SEMA3E: variants seen among roughly 807,000 people sequenced by gnomAD.
SEMA3E encodes semaphorin 3E.
A neutral mutation model predicts 93.6 loss-of-function variants in SEMA3E; 49 were observed. That is an observed-to-expected ratio of 0.52 (90% CI 0.42 to 0.66). SEMA3E has a LOEUF of 0.66. Among genes scored for constraint, SEMA3E ranks in the 30% least tolerant of loss-of-function variants. SEMA3E has a pLI of 0.00. For synonymous variants in SEMA3E, 363 were observed against 330.7 expected (o/e 1.10, Z -1.06); for missense variants, 906 against 964.8 (o/e 0.94, Z 0.81).
At chr7:83,427,650 A>G (rs771617604) in intron 4 of SEMA3E, among the ~76,000 whole-genome samples, 32 of 152,156 alleles carry the variant, frequency 2.1e-4, no homozygotes, top group Non-Finnish European at 3.8e-4. Flanking sequence ...TTGAGAGTTC[A>G]TTGTGGTCTT....
intron 1 of SEMA3E, among the ~76,000 whole-genome samples, chr7:83,638,965 G>A (rs1384169508): frequency 1.3e-5 from 2 of 150,956 alleles, no homozygotes; most frequent in African/African-American, 4.9e-5. Flanking sequence ...CAAAAAATTA[G>A]CCGGGCGTAG....
intron 1 of SEMA3E, among the ~76,000 whole-genome samples, chr7:83,529,478 G>A (rs1791238283): frequency 2.0e-5 from 3 of 152,136 alleles, no homozygotes; most frequent in Admixed American, 2.0e-4. Flanking sequence ...ATTGTAAGGA[G>A]ATTCAATTCC....
intron 1 of SEMA3E, among the ~76,000 whole-genome samples, chr7:83,549,123 T>C (rs963179212): frequency 6.6e-6 from 1 of 152,188 alleles, no homozygotes; most frequent in Non-Finnish European, 1.5e-5. Flanking sequence ...AAACTTTTGA[T>C]ACTGGAATTC....
At chr7:83,418,159 T>C (rs75187132) in intron 5 of SEMA3E, among the ~76,000 whole-genome samples, 1 of 152,160 alleles carries the variant, frequency 6.6e-6, no homozygotes, top group East Asian at 1.9e-4. Flanking sequence ...TAAACGACAA[T>C]TTGTTTTCTC....
At chr7:83,528,869 A>G (rs1403288382) in intron 1 of SEMA3E, among the ~76,000 whole-genome samples, 1 of 152,114 alleles carries the variant, frequency 6.6e-6, no homozygotes, top group Non-Finnish European at 1.5e-5. Context: ...ACCTTCAGAT[A>G]GTCTTTTAGA....
chr7:83,550,464 T>A (rs1263023509), intron 1 of SEMA3E, among the ~76,000 whole-genome samples: 5 of 152,114 alleles, frequency 3.3e-5, no homozygotes, highest in Admixed American at 2.0e-4. Context: ...AAATTAGGGT[T>A]GTTGCTCTTC....
At chr7:83,640,116 C>T (rs145497432) in intron 1 of SEMA3E, among the ~76,000 whole-genome samples, 4 of 151,780 alleles carry the variant, frequency 2.6e-5, no homozygotes, top group Non-Finnish European at 5.9e-5. Context: ...AGTCAGTGTC[C>T]TCAGCTGACC....
intron 1 of SEMA3E, among the ~76,000 whole-genome samples, chr7:83,528,560 T>G (rs924995360): frequency 1.3e-5 from 2 of 152,090 alleles, no homozygotes; most frequent in Non-Finnish European, 2.9e-5. Context: ...TACTATTGAT[T>G]TTAATATTAA....
intron 1 of SEMA3E, among the ~76,000 whole-genome samples, chr7:83,612,254 C>T (rs1460217299): frequency 2.0e-5 from 3 of 152,106 alleles, no homozygotes; most frequent in Non-Finnish European, 2.9e-5. Context: ...CCCTACCAGA[C>T]TATAAGTTTA....
chr7:83,380,868 T>C (rs1351567309), intron 16 of SEMA3E, among the ~76,000 whole-genome samples: 2 of 151,958 alleles, frequency 1.3e-5, no homozygotes, highest in Admixed American at 6.6e-5. Context: ...TCCAAAATAG[T>C]ATTCCATCTG....
chr7:83,462,551 C>T (rs911048561), intron 4 of SEMA3E, among the ~76,000 whole-genome samples: 6 of 152,044 alleles, frequency 3.9e-5, no homozygotes, highest in African/African-American at 9.7e-5. Flanking sequence ...CCACCTTAAC[C>T]CACAAGTATA....
chr7:83,518,051 G>A (rs1263573537), intron 1 of SEMA3E, among the ~76,000 whole-genome samples: 2 of 152,034 alleles, frequency 1.3e-5, no homozygotes, highest in African/African-American at 4.8e-5. Context: ...GTGTGTGGAG[G>A]GTGCAAAAAT....
chr7:83,393,627 ATATC>A (rs937220747), intron 13 of SEMA3E, among the ~76,000 whole-genome samples: 5 of 152,194 alleles, frequency 3.3e-5, no homozygotes, highest in South Asian at 2.1e-4. Context: ...AGTGATGTGT[ATATC>A]TATCTATCTA....
intron 4 of SEMA3E, among the ~76,000 whole-genome samples, chr7:83,465,991 T>G (rs1228634973): frequency 2.0e-5 from 3 of 152,188 alleles, no homozygotes; most frequent in Admixed American, 1.3e-4. Context: ...AATATTTATC[T>G]TAACTCAGTT....
intron 3 of SEMA3E, 87 bp downstream of exon 3, chr7:83,469,156 C>G: frequency 9.3e-7 from 1 of 1,075,752 alleles, no homozygotes; most frequent in Non-Finnish European, 1.4e-6. Context: ...TTTATAAGAG[C>G]AAATAAAAAT....
rs76110148 is a variant in SEMA3E, at chr7:83,406,120, C to T, written c.814-61G>A. 8.4e-4 allele frequency: 1,013 copies of T among 1,200,146 alleles called. 5 individuals carry two copies. In the African/African-American group the frequency reaches 8.5e-3, roughly 10 times the overall value. The allele number at this position is 1,200,146 out of a possible 1,614,324, so 74.3% of individuals were successfully genotyped here. ...AAGAATTTCGACCAACCACAGATTTCATATTATTAAACATGCAGTTGCCAA... is the reference window on the plus strand; with the variant it reads ...AAGAATTTCGACCAACCACAGATTTTATATTATTAAACATGCAGTTGCCAA... On this transcript the variant is annotated intron_variant, in intron 7 of 16. Transcript: ENST00000643230.
chr7:83,490,062 A>T, intron 2 of SEMA3E, 52 bp downstream of exon 2: 1 of 1,568,236 alleles, frequency 6.4e-7, no homozygotes, highest in South Asian at 1.1e-5. Flanking sequence ...AACATTCTTG[A>T]AATTTCCCCC....
intron 2 of SEMA3E, among the ~76,000 whole-genome samples, chr7:83,485,540 TAAAAG>T (rs1385185808): frequency 2.6e-5 from 4 of 151,966 alleles, no homozygotes; most frequent in East Asian, 1.9e-4. Flanking sequence ...TCATATTAAA[TAAAAG>T]AAAACAAAAC....
intron 16 of SEMA3E, among the ~76,000 whole-genome samples, chr7:83,381,494 G>A (rs958312486): frequency 1.3e-5 from 2 of 151,520 alleles, no homozygotes; most frequent in South Asian, 2.1e-4. Context: ...GCCTTCTATG[G>A]CCACCCTTTT....
Sources: gnomAD v4.1 joint callset for allele counts (sites outside exome capture counted in the v4.1 genomes callset) on GRCh38, gnomAD v4.1.1 for gene constraint, MANE v1.5 for transcripts, NCBI Gene and HGNC (gene_info 2026-07-23, HGNC 2026-07-21) for gene names.